The following BLK variants were observed in gnomAD, a reference collection of about 807,000 sequenced individuals.
BLK encodes the protein BLK proto-oncogene, Src family tyrosine kinase.
A neutral mutation model predicts 61.8 loss-of-function variants in BLK; 64 were observed. That is an observed-to-expected ratio of 1.03 (90% confidence interval 0.85 to 1.27). The LOEUF (loss-of-function observed/expected upper bound fraction) is 1.27. Among genes scored for constraint, BLK ranks in the 50% most tolerant of loss-of-function variants. The pLI is 0.00. For synonymous variants in BLK, 351 were observed against 272.0 expected, an observed-to-expected ratio of 1.29 and a Z score of -2.86; for missense variants, 853 against 660.5, an observed-to-expected ratio of 1.29 and a Z score of -3.19.
At chr8:11,499,096 G>C (rs1038814174) in intron 1 of BLK, among the ~76,000 whole-genome samples, 6 of 152,222 alleles carry the variant, frequency 3.9e-5, no homozygotes, top group African/African-American at 1.2e-4. Flanking sequence ...TAAGATTTCG[G>C]TCAATCACAG....
intron 1 of BLK, among the ~76,000 whole-genome samples, chr8:11,505,520 C>G (rs1460373387): frequency 1.3e-5 from 2 of 152,144 alleles, no homozygotes; most frequent in Non-Finnish European, 2.9e-5. Flanking sequence ...AACACTTGTT[C>G]TCTCCTTTCT....
At chr8:11,536,563 G>A (rs921897423) in intron 1 of BLK, among the ~76,000 whole-genome samples, 2 of 151,906 alleles carry the variant, frequency 1.3e-5, no homozygotes, top group South Asian at 2.1e-4. Context: ...TTATAGGCAC[G>A]TGCCTGGCTA....
chr8:11,524,211 C>T (rs1356789423), intron 1 of BLK, among the ~76,000 whole-genome samples: 1 of 152,130 alleles, frequency 6.6e-6, no homozygotes, highest in Admixed American at 6.5e-5. Context: ...TTATACTGTA[C>T]TGTTCACAGA....
In BLK at chr8:11,543,341, G is replaced by C. The variant is rs745995566; in HGVS notation, c.117G>C (p.Pro39=). The C allele has an allele frequency of 1.2e-6, 2 of 1,612,970 alleles. No individual in the cohort carries two copies. The highest frequency in any genetic ancestry group is 1.7e-5 in the Admixed American group (1 of 60,022). The change falls in exon 2 of 13, where the codon CCG becomes CCC. Residue 39 remains proline (P), a synonymous_variant. Coordinates refer to ENST00000259089, the MANE Select transcript of BLK (RefSeq NM_001715.3). ...AAGACAAGGACGCCCCGCCACTGCC[G>C]CCCCTGGTGAGTGATTGCCCACCCC... ...SAQDKDAPPL[P]PLVVFNHLTP...
chr8:11,560,236 T>C (rs1233104947), intron 10 of BLK: 1 of 72,050 alleles, frequency 1.4e-5, no homozygotes, highest in African/African-American at 6.0e-5. Flanking sequence ...GATGGATGAA[T>C]GGGTGGATGG....
intron 1 of BLK, among the ~76,000 whole-genome samples, chr8:11,536,724 A>G (rs17153419): frequency 0.28 from 41,909 of 152,178 alleles, 7,663 homozygotes; most frequent in East Asian, 0.73. Context: ...TGACTTTAGT[A>G]TATTTTGGAA....
Position 11,548,078 on chromosome 8 carries a change from T to C in BLK, c.222T>C (p.Asp74=), listed in dbSNP as rs746201874. 3 of 1,614,052 alleles carry C rather than the reference T, an allele frequency of 1.9e-6. No individual in the cohort carries two copies. Among genetic ancestry groups the C allele is most frequent in the East Asian group, 2.2e-5 (1 of 44,880 alleles). The change falls in exon 4 of 13, where the codon GAT becomes GAC. Residue 74 remains aspartate (D), a synonymous_variant. Coordinates refer to ENST00000259089, the MANE Select transcript of BLK (RefSeq NM_001715.3). ...VALYDYTAMN[D]RDLQMLKGEK... ...TGTATGACTACACCGCTATGAATGA[T>C]CGGGACCTGCAGATGCTGAAGGGGG... is the stretch of plus-strand genomic sequence containing the variant.
At chr8:11,515,111 C>A (rs920345035) in intron 1 of BLK, among the ~76,000 whole-genome samples, 3 of 152,200 alleles carry the variant, frequency 2.0e-5, no homozygotes, top group Admixed American at 1.3e-4. Flanking sequence ...GCACCAAGAA[C>A]TTTCAGGGTT....
intron 1 of BLK, among the ~76,000 whole-genome samples, chr8:11,513,829 C>T (rs1231474944): frequency 6.6e-6 from 1 of 152,190 alleles, no homozygotes; most frequent in African/African-American, 2.4e-5. Context: ...CACCGCCGCG[C>T]ACTGCATGAG....
At chr8:11,547,379 C>T (rs984142377) in intron 3 of BLK, among the ~76,000 whole-genome samples, 5 of 152,230 alleles carry the variant, frequency 3.3e-5, no homozygotes, top group African/African-American at 1.2e-4. Context: ...TCAGGTGGGT[C>T]CTGTGGCTCC....
intron 2 of BLK, 52 bp downstream of exon 2, chr8:11,543,399 C>A: frequency 6.2e-7 from 1 of 1,605,826 alleles, no homozygotes; most frequent in African/African-American, 1.3e-5. Flanking sequence ...TCTCCTATGC[C>A]TTAATGTCCA....
intron 10 of BLK, chr8:11,559,115 C>G (rs1049983067): frequency 4.9e-6 from 2 of 408,830 alleles, no homozygotes; most frequent in Middle Eastern, 3.5e-4. Flanking sequence ...ATCCCCACTA[C>G]ACCCCCTTGG....
At chr8:11,525,143 C>T (rs1416119005) in intron 1 of BLK, among the ~76,000 whole-genome samples, 1 of 152,208 alleles carries the variant, frequency 6.6e-6, no homozygotes, top group Non-Finnish European at 1.5e-5. Context: ...TCTGTCACCT[C>T]TTTCGTGCTG....
chr8:11,509,896 C>T (rs1435081153), intron 1 of BLK: 2 of 152,110 alleles, frequency 1.3e-5, no homozygotes, highest in Admixed American at 1.3e-4. Context: ...GACATAGCAC[C>T]TTAGATTCTT....
Position 11,526,786 on chromosome 8 carries a change from G to A in BLK, c.-1-16438G>A, listed in dbSNP as rs187371002. On this transcript the variant is annotated intron_variant, in intron 1 of 12. Coordinates refer to ENST00000259089, the MANE Select transcript of BLK (RefSeq NM_001715.3). ...TAATTTTACTGTGTTTCATCAGTAG[G>A]TTAGTACTCAAAACTTTTTCAGTTG... Among the ~76,000 whole-genome samples, 216 of 149,322 alleles carry A rather than the reference G, an allele frequency of 1.4e-3. 1 individual carries two copies. The highest frequency in any genetic ancestry group is 5.1e-3 in the African/African-American group (205 of 40,164).
In BLK at chr8:11,519,223, C is replaced by A. The variant is rs115070704; in HGVS notation, c.-1-24001C>A. 8.4e-3 allele frequency among the ~76,000 whole-genome samples: 1,275 copies of A among 152,284 alleles called. 20 individuals are homozygous for A. The highest frequency in any genetic ancestry group is 0.026 in the African/African-American group (1,075 of 41,548). The stretch of plus-strand genomic sequence containing the variant: ...GGATTCCTCAAAGGAAGGAATCAGA[C>A]CCTCTCTGGGACTCCCCTGGGTGCT... On this transcript the variant is annotated intron_variant, in intron 1 of 12. Coordinates refer to ENST00000259089, the MANE Select transcript of BLK (RefSeq NM_001715.3).
intron 1 of BLK, among the ~76,000 whole-genome samples, chr8:11,534,245 C>G (rs1219260607): frequency 6.6e-6 from 1 of 152,134 alleles, no homozygotes; most frequent in Non-Finnish European, 1.5e-5. Flanking sequence ...AAAATGCAAA[C>G]AATGCAAAAA....
At chr8:11,514,658 C>T (rs554989893) in intron 1 of BLK, among the ~76,000 whole-genome samples, 8 of 152,272 alleles carry the variant, frequency 5.3e-5, no homozygotes, top group Non-Finnish European at 1.2e-4. Flanking sequence ...CCTCTGGGCT[C>T]GAGTAGCCCG....
chr8:11,502,540 G>C (rs1054312761), intron 1 of BLK, among the ~76,000 whole-genome samples: 3 of 152,094 alleles, frequency 2.0e-5, no homozygotes, highest in African/African-American at 4.8e-5. Context: ...TGCCCAGTTC[G>C]GCCTCCCAAA....
Sources: allele counts gnomAD v4.1 joint callset (sites outside exome capture counted in the v4.1 genomes callset), GRCh38; gene constraint gnomAD v4.1.1; transcripts MANE v1.5; gene names NCBI Gene and HGNC (gene_info 2026-07-23, HGNC 2026-07-21).